Variants in COMMD1 observed in about 807,000 individuals in gnomAD.
COMMD1 encodes the protein copper metabolism domain containing 1.
A neutral mutation model predicts 17.2 loss-of-function variants in COMMD1; 10 were observed. That is an observed-to-expected ratio of 0.58 (90% confidence interval 0.36 to 0.99). COMMD1 has a LOEUF of 0.99. COMMD1 is among the 50% of genes least tolerant of loss of function. The pLI, the probability that COMMD1 is intolerant of heterozygous loss-of-function variation, is 0.01. For synonymous variants in COMMD1, 97 were observed against 91.6 expected (o/e 1.06, Z -0.34); for missense variants, 270 against 231.8 (o/e 1.17, Z -1.07).
chr2:61,893,750 G>T (rs1669490206), intron 1 of COMMD1, among the ~76,000 whole-genome samples: 1 of 151,660 alleles, frequency 6.6e-6, no homozygotes, highest in African/African-American at 2.4e-5. Context: ...GCAGGCGGAG[G>T]TTGCAGTGAG....
At chr2:62,073,175 A>G (rs919439189) in intron 2 of COMMD1, among the ~76,000 whole-genome samples, 1 of 152,188 alleles carries the variant, frequency 6.6e-6, no homozygotes, top group Non-Finnish European at 1.5e-5. Flanking sequence ...GTGCTAACCT[A>G]TTGAAATGGC....
Position 61,929,303 on chromosome 2 carries a change from C to T in COMMD1, c.180+23445C>T, listed in dbSNP as rs188851058. On this transcript the variant is annotated intron_variant, in intron 1 of 2. Coordinates refer to ENST00000311832, the MANE Select transcript of COMMD1 (RefSeq NM_152516.4). ...CTGTTCTTATCTCACAAGCATGGGC[C>T]TCCTCTTCTTTGGGCGTTCCCGGCT... Among the ~76,000 whole-genome samples, 4 of 152,300 alleles carry T rather than the reference C, an allele frequency of 2.6e-5. No homozygotes were observed. In the East Asian group the frequency reaches 7.7e-4, roughly 29 times the overall value.
chr2:61,911,082 TA>T (rs546105525), intron 1 of COMMD1, among the ~76,000 whole-genome samples: 215 of 143,454 alleles, frequency 1.5e-3, no homozygotes, highest in Non-Finnish European at 1.6e-3. Flanking sequence ...AAACCCCATC[TA>T]AAAAAAAAAA....
At chr2:62,006,203 G>A (rs1320228331) in intron 2 of COMMD1, among the ~76,000 whole-genome samples, 2 of 123,290 alleles carry the variant, frequency 1.6e-5, no homozygotes, top group Non-Finnish European at 3.4e-5. Flanking sequence ...TGTGGGGTGG[G>A]GGGAGGGGGG....
chr2:62,102,980 C>CTTT (rs1237752965), intron 2 of COMMD1, among the ~76,000 whole-genome samples: 2 of 140,812 alleles, frequency 1.4e-5, no homozygotes, highest in South Asian at 2.3e-4. Context: ...CTTTTTCTTT[C>CTTT]TTTTTTTTTT....
intron 2 of COMMD1, among the ~76,000 whole-genome samples, chr2:62,025,466 G>T (rs1437319568): frequency 6.6e-6 from 1 of 151,968 alleles, no homozygotes; most frequent in African/African-American, 2.4e-5. Flanking sequence ...GGAGTTAGAG[G>T]CTGCAGTGAG....
intron 2 of COMMD1, among the ~76,000 whole-genome samples, chr2:62,078,239 CAAAAAAAAA>C (rs56320690): frequency 0.071 from 1,413 of 19,852 alleles, 18 homozygotes; most frequent in African/African-American, 0.13. Context: ...CACACCAATG[CAAAAAAAAA>C]AAAAAAAAAA....
chr2:61,922,917 G>T (rs913025573), intron 1 of COMMD1, among the ~76,000 whole-genome samples: 1 of 152,222 alleles, frequency 6.6e-6, no homozygotes, highest in Non-Finnish European at 1.5e-5. Flanking sequence ...ATGTAAATTT[G>T]TTCTGGAGTG....
chr2:62,085,180 A>G (rs1346204005), intron 2 of COMMD1, among the ~76,000 whole-genome samples: 1 of 151,978 alleles, frequency 6.6e-6, no homozygotes, highest in Non-Finnish European at 1.5e-5. Context: ...TCTTAAGTCC[A>G]CAGTTGCTGT....
chr2:62,035,910 C>T (rs1027496048), intron 2 of COMMD1, among the ~76,000 whole-genome samples: 5 of 151,710 alleles, frequency 3.3e-5, no homozygotes, highest in Admixed American at 1.3e-4. Flanking sequence ...AAAAATTAGC[C>T]GTGTGTTGTG....
chr2:62,059,493 T>C (rs927538363), intron 2 of COMMD1, among the ~76,000 whole-genome samples: 5 of 152,150 alleles, frequency 3.3e-5, no homozygotes, highest in Non-Finnish European at 7.4e-5. Context: ...TTATTTCTGG[T>C]AATACTCTAT....
At chr2:61,977,241 CTTTTTTTTT>C in intron 1 of COMMD1, among the ~76,000 whole-genome samples, 1 of 88,792 alleles carries the variant, frequency 1.1e-5, no homozygotes, top group African/African-American at 4.9e-5. Context: ...ATAAAGTTTG[CTTTTTTTTT>C]TTTTTTTTTT....
chr2:61,905,092 T>C (rs1449600763), upstream of COMMD1, among the ~76,000 whole-genome samples: 1 of 152,242 alleles, frequency 6.6e-6, no homozygotes, highest in Non-Finnish European at 1.5e-5. Flanking sequence ...ATGCATTTCA[T>C]TTCAGGATAG....
intron 2 of COMMD1, among the ~76,000 whole-genome samples, chr2:62,063,826 T>C (rs1480153325): frequency 7.0e-6 from 1 of 141,970 alleles, no homozygotes; most frequent in Admixed American, 7.2e-5. Context: ...TAAAGTAATA[T>C]ATTCTTCCAG....
intron 2 of COMMD1, among the ~76,000 whole-genome samples, chr2:62,089,605 G>A (rs953201345): frequency 4.6e-5 from 7 of 152,072 alleles, no homozygotes; most frequent in African/African-American, 1.4e-4. Flanking sequence ...TTCAAGATAT[G>A]GCAGGGAAAC....
intron 2 of COMMD1, among the ~76,000 whole-genome samples, chr2:62,043,479 A>T (rs1558575014): frequency 6.6e-6 from 1 of 152,110 alleles, no homozygotes; most frequent in Non-Finnish European, 1.5e-5. Context: ...GCCAGGTCTT[A>T]TTCCTTTTTG....
At chr2:61,986,231 A>G (rs892393634) in intron 1 of COMMD1, among the ~76,000 whole-genome samples, 2 of 152,076 alleles carry the variant, frequency 1.3e-5, no homozygotes, top group African/African-American at 4.8e-5. Context: ...GGTTCCACTG[A>G]AAAGCCTGCT....
chr2:61,913,474 G>A lies in COMMD1; in HGVS notation c.180+7616G>A, dbSNP rs544514218. 6.6e-5 allele frequency among the ~76,000 whole-genome samples: 10 copies of A among 150,844 alleles called. 3 individuals are homozygous for A. Among genetic ancestry groups the A allele is most frequent in the African/African-American group, 1.9e-4 (8 of 41,126 alleles). ...AGATGGATCATGAGGTCAGGAGATCGAGACCATCCTGGCTAAAATGGTGAA... is the reference window on the plus strand; with the variant it reads ...AGATGGATCATGAGGTCAGGAGATCAAGACCATCCTGGCTAAAATGGTGAA... On this transcript the variant is annotated intron_variant, in intron 1 of 2. Coordinates refer to ENST00000311832, the MANE Select transcript of COMMD1 (RefSeq NM_152516.4).
chr2:62,042,549 G>T (rs892458064), intron 2 of COMMD1, among the ~76,000 whole-genome samples: 2 of 152,150 alleles, frequency 1.3e-5, no homozygotes, highest in Non-Finnish European at 2.9e-5. Flanking sequence ...CTGAGCCCGT[G>T]CCCACCCGGA....
Sources: allele counts gnomAD v4.1 joint callset (sites outside exome capture counted in the v4.1 genomes callset), GRCh38; gene constraint gnomAD v4.1.1; transcripts MANE v1.5; gene names NCBI Gene and HGNC (gene_info 2026-07-23, HGNC 2026-07-21).